YDJC: variants seen among roughly 807,000 people sequenced by gnomAD.
YDJC encodes the protein YdjC chitooligosaccharide deacetylase homolog, also known as carbohydrate deacetylase.
Under a neutral mutation model 18.9 loss-of-function variants are expected in YDJC, and 23 were observed. The ratio of observed to expected loss-of-function variants is 1.22; its 90% confidence interval spans 0.87 to 1.72. The LOEUF (loss-of-function observed/expected upper bound fraction) is 1.72. YDJC is among the 40% of genes most tolerant of loss of function. YDJC has a pLI of 0.00. For synonymous variants in YDJC, 224 were observed against 217.6 expected, an observed-to-expected ratio of 1.03 and a Z score of -0.26; for missense variants, 467 against 470.8, an observed-to-expected ratio of 0.99 and a Z score of 0.07.
Position 21,629,170 on chromosome 22 carries a change from C to T in YDJC, c.442G>A (p.Ala148Thr). Reference sequence around the variant, plus strand: ...ACCCCATAGGCCTGCAGCGCCTCGGCGAACACCTGGCACACGCCTGCGGGC... The same window carrying T: ...ACCCCATAGGCCTGCAGCGCCTCGGTGAACACCTGGCACACGCCTGCGGGC... The part of the protein sequence containing the change: ...HVLPGVCQVF[A>T]EALQAYGVRF... The change falls in exon 4 of 5, where the codon GCC becomes ACC. Residue 148 changes from alanine to threonine, a missense_variant. Ala to Thr is a moderately conservative substitution (Grantham distance 58). Transcript: ENST00000292778. 2 of 1,541,902 alleles carry T rather than the reference C, an allele frequency of 1.3e-6. No homozygotes were observed. The highest frequency in any genetic ancestry group is 1.7e-6 in the Non-Finnish European group (2 of 1,145,822).
At position 21,629,891 on chromosome 22, in the gene YDJC, T is replaced by A; in HGVS notation, c.124A>T (p.Asn42Tyr). The A allele has an allele frequency of 6.3e-7, 1 of 1,591,826 alleles. No individual in the cohort carries two copies. The highest frequency in any genetic ancestry group is 8.5e-7 in the Non-Finnish European group (1 of 1,173,758). The stretch of plus-strand genomic sequence containing the variant: ...GCCGCGCTCTCCGTGGCCGCACCGT[T>A]GACCAGCAGGGACACGCTGGTCACA... ...GAVTSVSLLV[N>Y]GAATESAAEL... is the part of the protein sequence containing the mutation. The change falls in exon 1 of 5, where the codon AAC becomes TAC. Residue 42 changes from asparagine to tyrosine, a missense_variant. By Grantham distance (143) the Asn-to-Tyr change is moderately radical. Transcript: ENST00000292778.
At chr22:21,629,445 G>C (rs1395919551) in intron 2 of YDJC, 38 bp from the exon 3 acceptor site, 21 of 1,538,086 alleles carry the variant, frequency 1.4e-5, no homozygotes, top group Non-Finnish European at 1.8e-5. Context: ...GCGACCGGGA[G>C]TAGCTGCCGA....
chr22:21,629,749 G>A lies in YDJC; in HGVS notation c.177C>T (p.Pro59=), dbSNP rs756308598. 216 of 1,521,298 alleles carry A rather than the reference G, an allele frequency of 1.4e-4. No individual in the cohort carries two copies. The highest frequency in any genetic ancestry group is 1.0e-4 in the Non-Finnish European group (116 of 1,136,756). 94.2% of individuals were successfully genotyped at this position (1,521,298 alleles called of 1,614,324 possible). A position where few individuals can be genotyped will look rare whatever the true frequency, so the allele number is the denominator to read the frequency against. The change falls in exon 2 of 5, where the codon CCC becomes CCT. Residue 59 remains proline (P), a synonymous_variant. Coordinates refer to ENST00000292778, the MANE Select transcript of YDJC (RefSeq NM_001017964.2). The stretch of plus-strand genomic sequence containing the variant: ...CGGACAGGTTGGCGTGGAGGCCCGT[G>A]GGGATGCTGTGCCTGAGGGCGGAGC... ...AAELARRHSI[P]TGLHANLSEG...
In YDJC at chr22:21,628,709, CCG is replaced by C; in HGVS notation, c.679_680del (p.Arg227GlyfsTer32). The C allele has an allele frequency of 2.6e-6, 4 of 1,539,668 alleles. No individual in the cohort carries two copies. The East Asian group carries it at 9.8e-5, about 38-fold the overall frequency. On this transcript the variant is annotated frameshift_variant, in exon 5 of 5. Coordinates refer to ENST00000292778, the MANE Select transcript of YDJC (RefSeq NM_001017964.2). LOFTEE classifies it low-confidence loss of function (END_TRUNC). Reference sequence around the variant, plus strand: ...GGCCCGCTAGGGTACCTTCCAGGACCCGCGCCAGGGCCCCGGACACGCGGTGA... The same window carrying C: ...GGCCCGCTAGGGTACCTTCCAGGACCCGCCAGGGCCCCGGACACGCGGTGA... ...SAHRVSGALA[R>X]VLEGTLAGHT...
intron 4 of YDJC, 44 bp from the exon 5 acceptor site, chr22:21,628,831 G>A: frequency 6.9e-7 from 1 of 1,439,832 alleles, no homozygotes; most frequent in Non-Finnish European, 9.1e-7. Flanking sequence ...GCCGGGCCAT[G>A]GCCAAGGGCT....
In YDJC at chr22:21,629,218, G is replaced by C. The variant is rs750243941; in HGVS notation, c.425-31C>G. Reference sequence around the variant, plus strand: ...GGCGGAGCGGGTCAGGGAGGAGCACGTCCTTTCACCTGGGGGCATCGAACT... The same window carrying C: ...GGCGGAGCGGGTCAGGGAGGAGCACCTCCTTTCACCTGGGGGCATCGAACT... On this transcript the variant is annotated intron_variant, in intron 3 of 4. Transcript: ENST00000292778. 4 of 1,548,030 alleles carry C rather than the reference G, an allele frequency of 2.6e-6. No homozygotes were observed. The African/African-American group carries it at 5.5e-5, about 21-fold the overall frequency.
At position 21,629,000 on chromosome 22, in the gene YDJC, G is replaced by A; in HGVS notation, c.602+10C>T. On this transcript the variant is annotated intron_variant, in intron 4 of 4. Coordinates refer to ENST00000292778, the MANE Select transcript of YDJC (RefSeq NM_001017964.2). ...GCAGCTATGGTAGGAGACGGGGCGG[G>A]GAGCCTCACCGCAGGCCGTGGCGGG... 1 of 1,459,244 alleles carries A rather than the reference G, an allele frequency of 6.9e-7. No homozygotes were observed. 90.4% of individuals were successfully genotyped at this position (1,459,244 alleles called of 1,614,324 possible).
At position 21,628,321 on chromosome 22, in the gene YDJC, T is replaced by C; in HGVS notation, c.*97A>G. The stretch of plus-strand genomic sequence containing the variant: ...TGTCCTACCCAGGGAAGTCAACAGA[T>C]CGTGCTCCAGGTCCCAGCTCTGGGC... On this transcript the variant is annotated 3_prime_UTR_variant, in exon 5 of 5. Coordinates refer to ENST00000292778, the MANE Select transcript of YDJC (RefSeq NM_001017964.2). 2 of 1,437,050 alleles carry C rather than the reference T, an allele frequency of 1.4e-6. No homozygotes were observed. Among genetic ancestry groups the C allele is most frequent in the Non-Finnish European group, 9.2e-7 (1 of 1,084,414 alleles). The allele number at this position is 1,437,050 out of a possible 1,614,324, so 89.0% of individuals were successfully genotyped here. A position where few individuals can be genotyped will look rare whatever the true frequency, so the allele number is the denominator to read the frequency against.
rs750779085 is a variant in YDJC, at chr22:21,629,908, C to G, written c.107G>C (p.Ser36Thr). The change falls in exon 1 of 5, where the codon AGC becomes ACC. Residue 36 changes from serine to threonine, a missense_variant. By Grantham distance (58) the Ser-to-Thr change is moderately conservative. Transcript: ENST00000292778. The stretch of plus-strand genomic sequence containing the variant: ...CGCACCGTTGACCAGCAGGGACACG[C>G]TGGTCACAGCCCCGGCCAGAAAGGC... ...VEAFLAGAVT[S>T]VSLLVNGAAT... The G allele has an allele frequency of 6.3e-7, 1 of 1,598,386 alleles. No homozygotes were observed. The highest frequency in any genetic ancestry group is 1.1e-5 in the South Asian group (1 of 89,302).
At chr22:21,629,230 G>A (rs1238854112) in intron 3 of YDJC, 43 bp from the exon 4 acceptor site, 3 of 1,548,612 alleles carry the variant, frequency 1.9e-6, no homozygotes, top group African/African-American at 2.7e-5. Context: ...CCTTTCACCT[G>A]GGGGCATCGA....
chr22:21,629,804 C>T, intron 1 of YDJC, 43 bp from the exon 2 acceptor site: 2 of 1,473,632 alleles, frequency 1.4e-6, no homozygotes, highest in Non-Finnish European at 9.0e-7. Context: ...GCCGCGGAGC[C>T]GCGCGCCCCA....
Position 21,629,104 on chromosome 22 carries a change from A to G in YDJC, c.508T>C (p.Cys170Arg). The G allele has an allele frequency of 1.3e-6, 2 of 1,537,126 alleles. No individual in the cohort carries two copies. Among genetic ancestry groups the G allele is most frequent in the Non-Finnish European group, 1.7e-6 (2 of 1,146,166 alleles). The change falls in exon 4 of 5, where the codon TGC (cysteine) becomes CGC (arginine). Residue 170 changes from cysteine (C) to arginine (R), a missense_variant. Cys to Arg is a radical substitution (Grantham distance 180). Coordinates refer to ENST00000292778, the MANE Select transcript of YDJC (RefSeq NM_001017964.2). ...CGCGCGGGGGCCTCCAGCCAAGTGC[A>G]GCCACCCACACCGCGCTCCAGCGGC... ...RLPLERGVGG[C>R]TWLEAPARAF...
chr22:21,629,991 C>A lies in YDJC; in HGVS notation c.24G>T (p.Leu8=). The change falls in exon 1 of 5, where the codon CTG becomes CTT. Residue 8 remains leucine, a synonymous_variant. Transcript: ENST00000292778. MSRPRMR[L]VVTADDFGYC... is the part of the protein sequence containing the mutation. The stretch of plus-strand genomic sequence containing the variant: ...AACCAAAGTCGTCCGCGGTGACCAC[C>A]AGGCGCATGCGAGGGCGGGACATGG... The A allele has an allele frequency of 1.3e-6, 2 of 1,599,948 alleles. No individual in the cohort carries two copies. The highest frequency in any genetic ancestry group is 8.5e-7 in the Non-Finnish European group (1 of 1,177,130).
rs746731195 is a variant in YDJC, at chr22:21,628,582, G to A, written c.808C>T (p.Arg270Trp). The A allele has an allele frequency of 1.1e-5, 17 of 1,607,522 alleles. No homozygotes were observed. The East Asian group carries it at 2.2e-4, about 21-fold the overall frequency. ...GPDAFSCSWE[R>W]LHELRVLTAP... ...GTGAGGACGCGCAGCTCATGCAGCCGCTCCCAAGAGCAAGAGAAAGCGTCG... is the reference window on the plus strand; with the variant it reads ...GTGAGGACGCGCAGCTCATGCAGCCACTCCCAAGAGCAAGAGAAAGCGTCG... Residue 270 changes from arginine to tryptophan, a missense_variant, in exon 5 of 5, where the codon CGG (arginine) becomes TGG (tryptophan). Transcript: ENST00000292778.
rs764811810 is a variant in YDJC, at chr22:21,629,714, G to C, written c.212C>G (p.Pro71Arg). Residue 71 changes from proline to arginine, a missense_variant, in exon 2 of 5, where the codon CCC (proline) becomes CGC (arginine). By Grantham distance (103) the Pro-to-Arg change is moderately radical. Transcript: ENST00000292778. ...GGCGCCACGGCGGGCCGGACCCACGGGGCGGCCCTCGGACAGGTTGGCGTG... is the reference window on the plus strand; with the variant it reads ...GGCGCCACGGCGGGCCGGACCCACGCGGCGGCCCTCGGACAGGTTGGCGTG... ...GLHANLSEGR[P>R]VGPARRGASS... 1.9e-6 allele frequency: 3 copies of C among 1,581,964 alleles called. No homozygotes were observed. The East Asian group carries it at 6.9e-5, about 36-fold the overall frequency.
chr22:21,628,151 G>T lies in YDJC; in HGVS notation c.*267C>A, dbSNP rs1930312943. On this transcript the variant is annotated 3_prime_UTR_variant, in exon 5 of 5. Transcript: ENST00000292778. ...TCTCCCCACTGCCCCAGTGGTGAAG[G>T]TGTTTGCATTGCAACATGGAGGGGC... 5.5e-6 allele frequency: 2 copies of T among 365,480 alleles called. No homozygotes were observed. The highest frequency in any genetic ancestry group is 9.7e-6 in the Non-Finnish European group (2 of 205,156). The allele number at this position is 365,480 out of a possible 1,614,324, so 22.6% of individuals were successfully genotyped here. A position where few individuals can be genotyped will look rare whatever the true frequency, so the allele number is the denominator to read the frequency against.
Position 21,628,239 on chromosome 22 carries a change from C to T in YDJC, c.*179G>A. On this transcript the variant is annotated 3_prime_UTR_variant, in exon 5 of 5. Transcript: ENST00000292778. Reference sequence around the variant, plus strand: ...CTAGGCCTGCCTGCAGCCAAGAAGGCTGCTCAAACTCTAGATGCCATTTGG... The same window carrying T: ...CTAGGCCTGCCTGCAGCCAAGAAGGTTGCTCAAACTCTAGATGCCATTTGG... The T allele has an allele frequency of 1.1e-6, 1 of 885,210 alleles. No individual in the cohort carries two copies. The allele number at this position is 885,210 out of a possible 1,614,324, so 54.8% of individuals were successfully genotyped here.
In YDJC at chr22:21,628,680, G is replaced by A. The variant is rs1930340607; in HGVS notation, c.710C>T (p.Thr237Ile). The change falls in exon 5 of 5, where the codon ACC becomes ATC. Residue 237 changes from threonine (T) to isoleucine (I), a missense_variant. Transcript: ENST00000292778. ...GTGCGCCATCAGCTCGGCTGTCAGGGTGTGGCCCGCTAGGGTACCTTCCAG... is the reference window on the plus strand; with the variant it reads ...GTGCGCCATCAGCTCGGCTGTCAGGATGTGGCCCGCTAGGGTACCTTCCAG... ...RVLEGTLAGH[T>I]LTAELMAHPG... 1.9e-6 allele frequency: 3 copies of A among 1,559,484 alleles called. No homozygotes were observed. The highest frequency in any genetic ancestry group is 1.4e-5 in the African/African-American group (1 of 73,562).
Position 21,628,227 on chromosome 22 carries a change from C to G in YDJC, c.*191G>C. The G allele has an allele frequency of 1.3e-6, 1 of 783,886 alleles. No individual in the cohort carries two copies. Among genetic ancestry groups the G allele is most frequent in the Non-Finnish European group, 1.8e-6 (1 of 546,770 alleles). The allele number at this position is 783,886 out of a possible 1,614,324, so 48.6% of individuals were successfully genotyped here. On this transcript the variant is annotated 3_prime_UTR_variant, in exon 5 of 5. Coordinates refer to ENST00000292778, the MANE Select transcript of YDJC (RefSeq NM_001017964.2). ...CGCTGCCACAGGCTAGGCCTGCCTG[C>G]AGCCAAGAAGGCTGCTCAAACTCTA...
Sources: gnomAD v4.1 joint callset for allele counts on GRCh38, gnomAD v4.1.1 for gene constraint, MANE v1.5 for transcripts, NCBI Gene and HGNC (gene_info 2026-07-23, HGNC 2026-07-21) for gene names.